PRR16: variants seen among roughly 807,000 people sequenced by gnomAD.
PRR16 encodes protein Largen.
A neutral mutation model predicts 18.2 loss-of-function variants in PRR16; 6 were observed. The ratio of observed to expected loss-of-function variants is 0.33; its 90% CI spans 0.18 to 0.65. The LOEUF is 0.65. PRR16 is among the 30% of genes least tolerant of loss of function. PRR16 has a pLI of 0.74. For synonymous variants in PRR16, 151 were observed against 147.8 expected, an observed-to-expected ratio of 1.02 and a Z score of -0.16; for missense variants, 412 against 376.6, an observed-to-expected ratio of 1.09 and a Z score of -0.78.
intron 1 of PRR16, among the ~76,000 whole-genome samples, chr5:120,653,148 G>A (rs1394058293): frequency 6.6e-6 from 1 of 151,888 alleles, no homozygotes; most frequent in Non-Finnish European, 1.5e-5. Context: ...GAAAGTGACT[G>A]TGGAAGGAGC....
At chr5:120,537,938 G>A (rs1479131353) in intron 1 of PRR16, among the ~76,000 whole-genome samples, 2 of 151,344 alleles carry the variant, frequency 1.3e-5, no homozygotes, top group Admixed American at 6.6e-5. Flanking sequence ...CACTACGCCC[G>A]GCTAATTTTT....
chr5:120,496,416 A>G, intron 1 of PRR16, among the ~76,000 whole-genome samples: 1 of 152,060 alleles, frequency 6.6e-6, no homozygotes, highest in South Asian at 2.1e-4. Flanking sequence ...TATTTATTTC[A>G]TATTGGATAT....
chr5:120,724,267 A>T, the PRR16 span, among the ~76,000 whole-genome samples: 1 of 152,086 alleles, frequency 6.6e-6, no homozygotes, highest in Admixed American at 6.6e-5. Flanking sequence ...TAGTCTTTCC[A>T]CAGAATTGTG....
chr5:120,626,450 G>A (rs943211600), intron 1 of PRR16, among the ~76,000 whole-genome samples: 4 of 152,128 alleles, frequency 2.6e-5, no homozygotes, highest in African/African-American at 9.7e-5. Context: ...AGGACTACAA[G>A]TTATAATAGT....
chr5:120,493,543 A>G lies in PRR16; in HGVS notation c.159+28898A>G, dbSNP rs116308674. Among the ~76,000 whole-genome samples the G allele has an allele frequency of 1.2e-3, 188 of 152,192 alleles. 1 individual carries two copies. Among genetic ancestry groups the G allele is most frequent in the African/African-American group, 4.3e-3 (177 of 41,512 alleles). On this transcript the variant is annotated intron_variant, in intron 1 of 1. Coordinates refer to ENST00000407149, the MANE Select transcript of PRR16 (RefSeq NM_001300783.2). Reference sequence around the variant, plus strand: ...GAGAGATCCCATTTCTCTTTACCCAATTTCCTCCAGTGGTAACATCTTGAA... The same window carrying G: ...GAGAGATCCCATTTCTCTTTACCCAGTTTCCTCCAGTGGTAACATCTTGAA...
chr5:120,781,427 AT>A, the PRR16 span: 2 of 152,216 alleles, frequency 1.3e-5, no homozygotes, highest in Non-Finnish European at 2.9e-5. Context: ...GAATAAAAAA[AT>A]ATGATCTAAT....
At chr5:120,648,737 A>G (rs901879466) in intron 1 of PRR16, among the ~76,000 whole-genome samples, 2 of 152,148 alleles carry the variant, frequency 1.3e-5, no homozygotes, top group Non-Finnish European at 2.9e-5. Flanking sequence ...ATGTGCTGGC[A>G]AATGTTTTAC....
the PRR16 span, among the ~76,000 whole-genome samples, chr5:120,742,786 G>A: frequency 2.6e-5 from 4 of 152,266 alleles, no homozygotes; most frequent in East Asian, 7.7e-4. Flanking sequence ...TGAGTCTCAT[G>A]GAACTAAAGT....
the PRR16 span, among the ~76,000 whole-genome samples, chr5:120,729,727 T>G: frequency 1.3e-4 from 20 of 152,212 alleles, no homozygotes; most frequent in African/African-American, 4.8e-4. Context: ...TGGAGAGTCT[T>G]AGAAAGTTCC....
intron 1 of PRR16, chr5:120,617,149 G>A: frequency 1.0e-6 from 1 of 985,374 alleles, no homozygotes; most frequent in Non-Finnish European, 1.2e-6. Flanking sequence ...AAACAGTGCT[G>A]CAGGCATACA....
intron 1 of PRR16, among the ~76,000 whole-genome samples, chr5:120,632,341 G>C (rs1363688164): frequency 6.6e-6 from 1 of 152,006 alleles, no homozygotes; most frequent in Non-Finnish European, 1.5e-5. Flanking sequence ...CCAAAATTTT[G>C]TACCAGCTCA....
intron 1 of PRR16, among the ~76,000 whole-genome samples, chr5:120,639,476 G>T: frequency 6.6e-6 from 1 of 152,018 alleles, no homozygotes; most frequent in Admixed American, 6.6e-5. Context: ...AGACCTAAAA[G>T]AATGGTAGCT....
intron 1 of PRR16, among the ~76,000 whole-genome samples, chr5:120,655,975 C>G (rs530606922): frequency 1.3e-4 from 20 of 151,782 alleles, no homozygotes; most frequent in African/African-American, 4.8e-4. Flanking sequence ...GTTACTGAAC[C>G]GAGCCTTTTA....
chr5:120,702,357 G>A, the PRR16 span, among the ~76,000 whole-genome samples: 40 of 152,030 alleles, frequency 2.6e-4, no homozygotes, highest in Non-Finnish European at 7.4e-5. Context: ...TACGAGGTTG[G>A]GGTACTTGCC....
the PRR16 span, among the ~76,000 whole-genome samples, chr5:120,703,261 T>G: frequency 2.6e-5 from 4 of 152,188 alleles, no homozygotes. Context: ...ACTAGCCATT[T>G]ACACTTCTTT....
Position 120,529,906 on chromosome 5 carries a change from G to A in PRR16, c.159+65261G>A, listed in dbSNP as rs1561532909. Among the ~76,000 whole-genome samples, 7 of 151,412 alleles carry A rather than the reference G, an allele frequency of 4.6e-5. 1 individual carries two copies. Among genetic ancestry groups the A allele is most frequent in the Admixed American group, 3.3e-4 (5 of 15,188 alleles). On this transcript the variant is annotated intron_variant, in intron 1 of 1. Coordinates refer to ENST00000407149, the MANE Select transcript of PRR16 (RefSeq NM_001300783.2). ...GAAAATAGTAAACACAATACAGCAG[G>A]CTTTTTTTTTCTTTTTTAACATTAA...
chr5:120,783,994 T>C, the PRR16 span, among the ~76,000 whole-genome samples: 1 of 152,206 alleles, frequency 6.6e-6, no homozygotes, highest in Admixed American at 6.5e-5. Context: ...CTTATTTCAC[T>C]TGACATAATG....
downstream of PRR16, among the ~76,000 whole-genome samples, chr5:120,691,028 G>T (rs1395284139): frequency 6.6e-6 from 1 of 152,042 alleles, no homozygotes; most frequent in Non-Finnish European, 1.5e-5. Flanking sequence ...TCAAATGTAG[G>T]TATATATATT....
the PRR16 span, among the ~76,000 whole-genome samples, chr5:120,703,680 T>C: frequency 6.6e-6 from 1 of 152,232 alleles, no homozygotes; most frequent in Non-Finnish European, 1.5e-5. Flanking sequence ...TTCCTTGCAA[T>C]GTTTGAAGAG....
Sources: allele counts gnomAD v4.1 joint callset (sites outside exome capture counted in the v4.1 genomes callset), GRCh38; gene constraint gnomAD v4.1.1; transcripts MANE v1.5; gene names NCBI Gene and HGNC (gene_info 2026-07-23, HGNC 2026-07-21).